The following ASXL3 variants were observed in gnomAD, a reference collection of about 807,000 sequenced individuals.
ASXL3 encodes putative Polycomb group protein ASXL3.
ASXL3 carries 34 observed loss-of-function variants against 170.6 expected under a neutral mutation model. The observed-to-expected ratio is 0.20, with a 90% CI of 0.15 to 0.27. The LOEUF (loss-of-function observed/expected upper bound fraction) is 0.27. ASXL3 is among the 10% of genes least tolerant of loss of function. The pLI, the probability that ASXL3 is intolerant of heterozygous loss-of-function variation, is 1.00. For missense variants in ASXL3, 2,592 were observed against 2,695.3 expected (o/e 0.96, Z 0.85); for synonymous variants, 1,002 against 989.1 (o/e 1.01, Z -0.24).
chr18:33,610,048 AG>A (rs2065310396), intron 2 of ASXL3, among the ~76,000 whole-genome samples: 1 of 151,928 alleles, frequency 6.6e-6, no homozygotes, highest in Non-Finnish European at 1.5e-5. Context: ...CTAGCTTTTG[AG>A]TAAGTTTAGG....
intron 8 of ASXL3, among the ~76,000 whole-genome samples, chr18:33,695,161 T>C (rs2066752307): frequency 1.3e-5 from 2 of 152,190 alleles, no homozygotes; most frequent in African/African-American, 4.8e-5. Context: ...AATGTCAATT[T>C]ACTTAAAAGA....
chr18:33,688,772 A>G (rs2066640561), intron 8 of ASXL3, among the ~76,000 whole-genome samples: 1 of 152,188 alleles, frequency 6.6e-6, no homozygotes, highest in Non-Finnish European at 1.5e-5. Context: ...ATCCCTTCAC[A>G]TCCACACTTC....
intron 8 of ASXL3, among the ~76,000 whole-genome samples, chr18:33,723,028 G>GACTT (rs1249972134): frequency 2.0e-5 from 3 of 152,154 alleles, no homozygotes; most frequent in Admixed American, 2.0e-4. Context: ...CCGCTGTTGA[G>GACTT]ACTTACTGCT....
chr18:33,672,606 T>A (rs553910367), intron 7 of ASXL3, among the ~76,000 whole-genome samples: 1 of 152,326 alleles, frequency 6.6e-6, no homozygotes, highest in East Asian at 1.9e-4. Context: ...TTGTTTTAGC[T>A]GTGAATAGGA....
chr18:33,635,137 A>G (rs1401032200), intron 2 of ASXL3, among the ~76,000 whole-genome samples: 1 of 152,186 alleles, frequency 6.6e-6, no homozygotes, highest in Non-Finnish European at 1.5e-5. Flanking sequence ...CTAATAGTCA[A>G]ACTATTACTA....
At chr18:33,584,080 G>C (rs945905553) in intron 1 of ASXL3, among the ~76,000 whole-genome samples, 17 of 152,186 alleles carry the variant, frequency 1.1e-4, no homozygotes, top group African/African-American at 4.1e-4. Flanking sequence ...GTGGTATGTG[G>C]TGATTGTGGA....
chr18:33,615,502 A>G (rs112204084), intron 2 of ASXL3, among the ~76,000 whole-genome samples: 16 of 152,270 alleles, frequency 1.1e-4, no homozygotes, highest in African/African-American at 3.9e-4. Context: ...TTACCAAACT[A>G]TGACACAGAC....
rs77907762 is a variant in ASXL3 at position 33,578,599 on chromosome 18, C to A, written c.-33C>A. ...CCCGAGCACCCCGTGGAATCCCCCA[C>A]GTCATCATCAGAACCATCAATGAGA... On this transcript the variant is annotated 5_prime_UTR_variant, in exon 1 of 12. Transcript: ENST00000269197. The A allele has an allele frequency of 7.9e-7, 1 of 1,271,146 alleles. No homozygotes were observed. Among genetic ancestry groups the A allele is most frequent in the East Asian group, 4.3e-5 (1 of 23,332 alleles). 78.7% of individuals were successfully genotyped at this position (1,271,146 alleles called of 1,614,324 possible). A position where few individuals can be genotyped will look rare whatever the true frequency, so the allele number is the denominator to read the frequency against.
At chr18:33,713,741 G>A (rs2067120054) in intron 8 of ASXL3, among the ~76,000 whole-genome samples, 1 of 152,190 alleles carries the variant, frequency 6.6e-6, no homozygotes, top group African/African-American at 2.4e-5. Flanking sequence ...TGCAAGAGCT[G>A]CAGTTAGAGA....
At chr18:33,630,239 G>A (rs917716288) in intron 2 of ASXL3, among the ~76,000 whole-genome samples, 2 of 151,870 alleles carry the variant, frequency 1.3e-5, no homozygotes, top group Non-Finnish European at 1.5e-5. Context: ...TTCCATAAGA[G>A]GACTTACTTT....
At chr18:33,636,349 C>A (rs200673465) in intron 2 of ASXL3, among the ~76,000 whole-genome samples, 812 of 40,698 alleles carry the variant, frequency 0.02, 8 homozygotes, top group African/African-American at 0.077. Context: ...CAACAACAGC[C>A]ACAACAACAG....
rs1320164790 is a variant in ASXL3, at chr18:33,747,381, G to A, written c.*786G>A. 6 of 147,100 alleles carry A rather than the reference G, an allele frequency of 4.1e-5. No homozygotes were observed. Among genetic ancestry groups the A allele is most frequent in the Non-Finnish European group, 8.9e-5 (6 of 67,218 alleles). 9.1% of individuals were successfully genotyped at this position (147,100 alleles called of 1,614,324 possible). On this transcript the variant is annotated 3_prime_UTR_variant, in exon 12 of 12. Transcript: ENST00000269197. ...ATAGCCATAAGCCCAGAGGATTTTA[G>A]AGCTTCATGTGTGGCTTTTAAGAGC...
At chr18:33,708,599 A>G (rs717949) in intron 8 of ASXL3, among the ~76,000 whole-genome samples, 107,442 of 151,634 alleles carry the variant, frequency 0.71, 39,615 homozygotes, top group East Asian at 0.98. Flanking sequence ...GGACTTGGGG[A>G]TGGTTACCTG....
At chr18:33,652,166 T>C (rs1318789618) in intron 4 of ASXL3, among the ~76,000 whole-genome samples, 1 of 152,036 alleles carries the variant, frequency 6.6e-6, no homozygotes, top group Non-Finnish European at 1.5e-5. Flanking sequence ...ATATTATAAA[T>C]TTTATGGTCT....
chr18:33,592,897 A>T (rs2145100206), intron 1 of ASXL3, among the ~76,000 whole-genome samples: 1 of 152,274 alleles, frequency 6.6e-6, no homozygotes, highest in South Asian at 2.1e-4. Flanking sequence ...AAAACCAGTA[A>T]AAAATTTTTC....
In ASXL3 at chr18:33,748,958, A is replaced by G. The variant is rs1599583602; in HGVS notation, c.*2363A>G. The G allele has an allele frequency of 3.9e-5, 6 of 152,302 alleles. No individual in the cohort carries two copies. The South Asian group carries it at 1.2e-3, about 32-fold the overall frequency. 9.4% of individuals were successfully genotyped at this position (152,302 alleles called of 1,614,324 possible). ...ACTGCCTGCAAGTTGCTTATTGGGA[A>G]TAAGAAAAAGTGTCCTTCTGTATGT... On this transcript the variant is annotated 3_prime_UTR_variant, in exon 12 of 12. Coordinates refer to ENST00000269197, the MANE Select transcript of ASXL3 (RefSeq NM_030632.3).
chr18:33,628,222 A>T (rs2065628585), intron 2 of ASXL3, among the ~76,000 whole-genome samples: 1 of 152,106 alleles, frequency 6.6e-6, no homozygotes, highest in South Asian at 2.1e-4. Context: ...AACTTCACAC[A>T]ATGATAAGTG....
intron 8 of ASXL3, among the ~76,000 whole-genome samples, chr18:33,709,037 G>T (rs2067009908): frequency 6.6e-6 from 1 of 152,034 alleles, no homozygotes; most frequent in Admixed American, 6.6e-5. Flanking sequence ...AATTTGCTCA[G>T]CTTCATTAGT....
chr18:33,713,344 C>CCT (rs35660488), intron 8 of ASXL3, among the ~76,000 whole-genome samples: 20 of 133,452 alleles, frequency 1.5e-4, no homozygotes, highest in African/African-American at 5.6e-4. Flanking sequence ...AACCTCCACC[C>CCT]CCCCCCGGGT....
Sources: gnomAD v4.1 joint callset for allele counts (sites outside exome capture counted in the v4.1 genomes callset) on GRCh38, gnomAD v4.1.1 for gene constraint, MANE v1.5 for transcripts, NCBI Gene and HGNC (gene_info 2026-07-23, HGNC 2026-07-21) for gene names.